CASKIN1: variants seen among roughly 807,000 people sequenced by gnomAD.
CASKIN1 encodes CASK interacting protein 1.
In CASKIN1, 42 loss-of-function variants were observed where a neutral mutation model predicts 117.5. That is an observed-to-expected ratio of 0.36 (90% confidence interval 0.28 to 0.46). CASKIN1 has a LOEUF of 0.46. CASKIN1 is among the 20% of genes least tolerant of loss of function. CASKIN1 has a pLI of 1.00. For synonymous variants in CASKIN1, 1,148 were observed against 961.7 expected (o/e 1.19, Z -3.59); for missense variants, 2,083 against 2,077.3 (o/e 1.00, Z -0.05).
Position 2,186,689 on chromosome 16 carries a change from G to A in CASKIN1, c.1048+18C>T, listed in dbSNP as rs376325977. The A allele has an allele frequency of 1.0e-4, 166 of 1,605,456 alleles. No homozygotes were observed. Among genetic ancestry groups the A allele is most frequent in the Non-Finnish European group, 1.3e-4 (151 of 1,174,044 alleles). On this transcript the variant is annotated intron_variant, in intron 10 of 19. Transcript: ENST00000343516. ...CCCAGGGGCTCCTGCCTGCCCCCCAGGGTGGGGTGGAACTTGCCTGCTCGC... is the reference window on the plus strand; with the variant it reads ...CCCAGGGGCTCCTGCCTGCCCCCCAAGGTGGGGTGGAACTTGCCTGCTCGC...
chr16:2,184,123 G>A (rs1014336460), intron 14 of CASKIN1, among the ~76,000 whole-genome samples, 182 bp from the exon 15 acceptor site: 28 of 150,838 alleles, frequency 1.9e-4, no homozygotes, highest in Non-Finnish European at 3.3e-4. Context: ...GGTCCCGGAG[G>A]CGCCTCCTGG....
intron 1 of CASKIN1, among the ~76,000 whole-genome samples, chr16:2,194,881 T>C (rs1190956412): frequency 6.6e-6 from 1 of 152,174 alleles, no homozygotes; most frequent in East Asian, 1.9e-4. Flanking sequence ...ACTGCGGTCA[T>C]TGCTGGCATT....
intron 1 of CASKIN1, among the ~76,000 whole-genome samples, chr16:2,193,008 C>T (rs1298753281): frequency 1.3e-5 from 2 of 152,168 alleles, no homozygotes; most frequent in Admixed American, 6.5e-5. Context: ...GTCGCCATCT[C>T]GAAATTCTTT....
At chr16:2,186,042 G>A (rs550873351) in intron 10 of CASKIN1, among the ~76,000 whole-genome samples, 4 of 152,008 alleles carry the variant, frequency 2.6e-5, no homozygotes, top group South Asian at 2.1e-4. Flanking sequence ...TGCAATCTTC[G>A]CTCACTGTAG....
chr16:2,185,393 G>C lies in CASKIN1; in HGVS notation c.1064C>G (p.Thr355Ser), dbSNP rs1260953736. 1.2e-6 allele frequency: 2 copies of C among 1,608,066 alleles called. No homozygotes were observed. The highest frequency in any genetic ancestry group is 1.7e-6 in the Non-Finnish European group (2 of 1,176,752). The change falls in exon 11 of 20, where the codon ACT becomes AGT. Residue 355 changes from threonine (T) to serine (S), a missense_variant. This residue lies in a region of CASKIN1 where 1,818 missense variants were observed against 1,688.9 expected (regional missense o/e 1.08). Transcript: ENST00000343516. ...IVKRAGSRAGTEPSLPQGSSS... is the reference protein window; with the variant it reads ...IVKRAGSRAGSEPSLPQGSSS... ...GCTTCCCTGGGGCAGGCTTGGTTCA[G>C]TGCCTGCTCGGGAACCTGTGGGTCA...
Position 2,178,346 on chromosome 16 carries a change from G to C in CASKIN1, c.*204C>G. 1 of 455,130 alleles carries C rather than the reference G, an allele frequency of 2.2e-6. No homozygotes were observed. Among genetic ancestry groups the C allele is most frequent in the Non-Finnish European group, 3.9e-6 (1 of 256,580 alleles). The allele number at this position is 455,130 out of a possible 1,614,324, so 28.2% of individuals were successfully genotyped here. ...GGAGCAGCAGGTGGGGAGGACCCGC[G>C]GGCGCAGGGTCTGCCTAGAGCCCTT... On this transcript the variant is annotated 3_prime_UTR_variant, in exon 20 of 20. Coordinates refer to ENST00000343516, the MANE Select transcript of CASKIN1 (RefSeq NM_020764.4).
chr16:2,177,785 C>T lies in CASKIN1; in HGVS notation c.*765G>A, dbSNP rs954293535. ...CACGCCAGGAGGAGGACACGGCCGCCGAGAGCAAGGCACAACCTCGAGTTC... is the reference window on the plus strand; with the variant it reads ...CACGCCAGGAGGAGGACACGGCCGCTGAGAGCAAGGCACAACCTCGAGTTC... On this transcript the variant is annotated 3_prime_UTR_variant, in exon 20 of 20. Coordinates refer to ENST00000343516, the MANE Select transcript of CASKIN1 (RefSeq NM_020764.4). The T allele has an allele frequency of 1.2e-5, 3 of 245,192 alleles. No homozygotes were observed. Among genetic ancestry groups the T allele is most frequent in the Non-Finnish European group, 1.6e-5 (2 of 124,470 alleles). The allele number at this position is 245,192 out of a possible 1,614,324, so 15.2% of individuals were successfully genotyped here.
At chr16:2,194,673 G>A (rs550389380) in intron 1 of CASKIN1, among the ~76,000 whole-genome samples, 67 of 152,238 alleles carry the variant, frequency 4.4e-4, no homozygotes, top group African/African-American at 1.5e-3. Context: ...TATTACACCC[G>A]CCCCTGTGAG....
chr16:2,195,319 C>T (rs1269509208), intron 1 of CASKIN1, among the ~76,000 whole-genome samples: 1 of 152,186 alleles, frequency 6.6e-6, no homozygotes, highest in Non-Finnish European at 1.5e-5. Flanking sequence ...TTCTCGGCAT[C>T]CCCCTGGAGG....
Position 2,179,237 on chromosome 16 carries a change from C to A in CASKIN1, c.3864G>T (p.Ala1288=), listed in dbSNP as rs927814321. Residue 1288 remains alanine, a synonymous_variant, in exon 19 of 20, where the codon GCG becomes GCT. Transcript: ENST00000343516. The surrounding 1 kb of genome is among the most constrained non-coding windows in gnomAD (Gnocchi z 5.8). The part of the protein sequence containing the change: ...PTAPKPVKAV[A]GLPSGSAGPS... ...GGCCGGCGCTGCCCGAAGGCAGCCC[C>A]GCGACCGCCTTGACGGGCTTGGGCG... 1.7e-6 allele frequency: 2 copies of A among 1,195,014 alleles called. No individual in the cohort carries two copies. The highest frequency in any genetic ancestry group is 2.1e-6 in the Non-Finnish European group (2 of 964,808). 74.0% of individuals were successfully genotyped at this position (1,195,014 alleles called of 1,614,324 possible). A position where few individuals can be genotyped will look rare whatever the true frequency, so the allele number is the denominator to read the frequency against.
rs1305482623 is a variant in CASKIN1, at chr16:2,187,024, T to C, written c.884A>G (p.Asn295Ser). The change falls in exon 9 of 20, where the codon AAT (asparagine) becomes AGT (serine). Residue 295 changes from asparagine (N) to serine (S), a missense_variant. Transcript: ENST00000343516. ...QVRATKDYCN[N>S]YDLTSLNVKA... ...CACGTTGAGGCTGGTCAGGTCGTAA[T>C]TGTTGCAATAATCCTTGGTCGCCCG... The C allele has an allele frequency of 1.9e-6, 3 of 1,613,708 alleles. No individual in the cohort carries two copies. Among genetic ancestry groups the C allele is most frequent in the Non-Finnish European group, 2.5e-6 (3 of 1,179,876 alleles).
intron 10 of CASKIN1, 61 bp from the exon 11 acceptor site, chr16:2,185,469 G>T: frequency 7.1e-7 from 1 of 1,412,448 alleles, no homozygotes; most frequent in East Asian, 2.4e-5. Flanking sequence ...TGACGCAGGG[G>T]AGGCAGGACA....
chr16:2,190,210 G>C, intron 2 of CASKIN1, 40 bp from the exon 3 acceptor site: 1 of 1,606,892 alleles, frequency 6.2e-7, no homozygotes. Flanking sequence ...AGGCCCTGGC[G>C]CCCCGGCCTT....
At chr16:2,183,773 T>C in intron 15 of CASKIN1, 26 bp from the exon 16 acceptor site, 7 of 1,612,870 alleles carry the variant, frequency 4.3e-6, no homozygotes, top group Non-Finnish European at 5.9e-6. Flanking sequence ...GCTTGTCAGC[T>C]AGGGGCTGGG....
In CASKIN1 at chr16:2,188,641, G is replaced by A. The variant is rs139746995; in HGVS notation, c.617+386C>T. The stretch of plus-strand genomic sequence containing the variant: ...GCTGGGATTACAAGTGTGAGCCGCC[G>A]GGGCACCCAGCCCACAGTGAGCACT... On this transcript the variant is annotated intron_variant, in intron 6 of 19. Transcript: ENST00000343516. 1.6e-4 allele frequency among the ~76,000 whole-genome samples: 25 copies of A among 152,240 alleles called. No homozygotes were observed. The East Asian group carries it at 4.4e-3, about 27-fold the overall frequency.
At chr16:2,188,875 G>A (rs2093192620) in intron 6 of CASKIN1, 152 bp downstream of exon 6, 1 of 1,097,218 alleles carries the variant, frequency 9.1e-7, no homozygotes, top group South Asian at 1.6e-5. Flanking sequence ...CTGTACATGG[G>A]CCCTGGAGGC....
In CASKIN1 at chr16:2,187,346, C is replaced by A; in HGVS notation, c.726+7G>T. 6.2e-7 allele frequency: 1 copy of A among 1,613,114 alleles called. No individual in the cohort carries two copies. On this transcript the variant is annotated splice_region_variant and intron_variant, in intron 7 of 19. Transcript: ENST00000343516. ...CTGGGCCCAGCGCCCCTGGGCCCCA[C>A]ACTCACATCCAGCAGCAGCCGCACC...
Position 2,178,256 on chromosome 16 carries a change from C to T in CASKIN1, c.*294G>A. ...GCTGGGCCCGGGCCTGTGCGCTGCC[C>T]CATCCCTGGTCCCGGGGCGCCCTCC... On this transcript the variant is annotated 3_prime_UTR_variant, in exon 20 of 20. Coordinates refer to ENST00000343516, the MANE Select transcript of CASKIN1 (RefSeq NM_020764.4). 2.6e-6 allele frequency: 1 copy of T among 391,868 alleles called. No individual in the cohort carries two copies. Among genetic ancestry groups the T allele is most frequent in the Non-Finnish European group, 4.7e-6 (1 of 214,026 alleles). The allele number at this position is 391,868 out of a possible 1,614,324, so 24.3% of individuals were successfully genotyped here.
intron 14 of CASKIN1, 112 bp downstream of exon 14, chr16:2,184,665 G>GC: frequency 1.1e-6 from 1 of 876,846 alleles, no homozygotes. Context: ...GCCTGGCAAT[G>GC]CCCCCGACCC....
Sources: allele counts gnomAD v4.1 joint callset (sites outside exome capture counted in the v4.1 genomes callset), GRCh38; gene constraint gnomAD v4.1.1; regional missense constraint gnomAD v4.1.1; non-coding constraint Gnocchi (gnomAD v3.1); transcripts MANE v1.5; gene names NCBI Gene and HGNC (gene_info 2026-07-23, HGNC 2026-07-21).